CNTNAP3: variants seen among roughly 807,000 people sequenced by gnomAD.
CNTNAP3 encodes contactin associated protein family member 3, also known as contactin-associated protein-like 3.
A neutral mutation model predicts 92.1 loss-of-function variants in CNTNAP3; 36 were observed. That is an observed-to-expected ratio of 0.39 (90% confidence interval 0.30 to 0.52). The LOEUF (loss-of-function observed/expected upper bound fraction) is 0.52, where lower values mean the gene tolerates loss of function less well. Among genes scored for constraint, CNTNAP3 ranks in the 20% least tolerant of loss-of-function variants. The pLI is 0.76. For synonymous variants in CNTNAP3, 232 were observed against 422.3 expected, an observed-to-expected ratio of 0.55 and a Z score of 5.53; for missense variants, 534 against 1,069.6, an observed-to-expected ratio of 0.50 and a Z score of 6.98.
At chr9:39,098,374 CACTCTTTCCATTTCCATAAAATATAA>C (rs1451569628) in intron 18 of CNTNAP3, among the ~76,000 whole-genome samples, 9 of 151,616 alleles carry the variant, frequency 5.9e-5, no homozygotes, top group African/African-American at 2.2e-4. Flanking sequence ...AATACTACTC[CACTCTTTCCATTTCCATAAAATATAA>C]AGAATTTACT....
At chr9:39,102,400 G>C in intron 17 of CNTNAP3, 97 bp downstream of exon 17, 1 of 1,563,392 alleles carries the variant, frequency 6.4e-7, no homozygotes, top group Non-Finnish European at 8.7e-7. Flanking sequence ...AGTAGTTGTT[G>C]TTGGCAACTG....
At position 39,184,132 on chromosome 9, in the gene CNTNAP3, G is replaced by A. The variant is rs1482070336; in HGVS notation, c.539-5772C>T. 1.4e-5 allele frequency among the ~76,000 whole-genome samples: 2 copies of A among 143,386 alleles called. 1 individual carries two copies. The highest frequency in any genetic ancestry group is 5.6e-5 in the African/African-American group (2 of 35,416). 94.1% of individuals were successfully genotyped at this position (143,386 alleles called of 152,430 possible). ...TTCTTATTGCTTGGGGTATTCAACT[G>A]TTTGACAACTTGTTTATCCATTTAC... On this transcript the variant is annotated intron_variant, in intron 4 of 23. Coordinates refer to ENST00000297668, the MANE Select transcript of CNTNAP3 (RefSeq NM_033655.5).
rs1337866044 is a variant in CNTNAP3 at position 39,287,612 on chromosome 9, CCT to C, written c.85+366_85+367del. Reference sequence around the variant, plus strand: ...TGATGTAATGTCTGCCAGTTTTTTCCCTGTTAGACTTAATTCCTACAAAATAT... The same window carrying C: ...TGATGTAATGTCTGCCAGTTTTTTCCGTTAGACTTAATTCCTACAAAATAT... On this transcript the variant is annotated intron_variant, in intron 1 of 23. Coordinates refer to ENST00000297668, the MANE Select transcript of CNTNAP3 (RefSeq NM_033655.5). 1.3e-4 allele frequency among the ~76,000 whole-genome samples: 6 copies of C among 46,744 alleles called. 2 individuals are homozygous for C. The highest frequency in any genetic ancestry group is 2.9e-4 in the African/African-American group (6 of 20,906). The allele number at this position is 46,744 out of a possible 152,430, so 30.7% of individuals were successfully genotyped here.
In CNTNAP3 at chr9:39,149,913, T is replaced by C. The variant is rs546946971; in HGVS notation, c.1542A>G (p.Leu514=). 6.4e-5 allele frequency: 103 copies of C among 1,611,318 alleles called. No homozygotes were observed. In the South Asian group the frequency reaches 8.9e-4, roughly 14 times the overall value. The part of the protein sequence containing the change: ...KSPLGGFQGC[L]RLITIGDKAV... Reference sequence around the variant, plus strand: ...CTTTGTCACCAATGGTGATGAGCCTTAGGCAGCCCTGAAACCCTCCCAGGG... The same window carrying C: ...CTTTGTCACCAATGGTGATGAGCCTCAGGCAGCCCTGAAACCCTCCCAGGG... Residue 514 remains leucine, a synonymous_variant, in exon 10 of 24, where the codon CTA becomes CTG. Transcript: ENST00000297668.
chr9:39,077,597 ACTT>A (rs1825814598), intron 23 of CNTNAP3, among the ~76,000 whole-genome samples: 1 of 151,130 alleles, frequency 6.6e-6, no homozygotes, highest in Non-Finnish European at 1.5e-5. Context: ...CAAACAAAAA[ACTT>A]CTTAAATAAG....
At chr9:39,139,388 C>T (rs746736120) in intron 12 of CNTNAP3, among the ~76,000 whole-genome samples, 12 of 152,184 alleles carry the variant, frequency 7.9e-5, no homozygotes, top group African/African-American at 7.2e-5. Context: ...TATGGCAGAA[C>T]GCCTGTGTTT....
At chr9:39,107,535 A>T (rs1251757761) in intron 15 of CNTNAP3, among the ~76,000 whole-genome samples, 2 of 152,234 alleles carry the variant, frequency 1.3e-5, no homozygotes, top group Non-Finnish European at 2.9e-5. Context: ...GAGCTAAAAT[A>T]TGAGATAAAC....
intron 12 of CNTNAP3, among the ~76,000 whole-genome samples, chr9:39,134,083 G>A (rs1276920409): frequency 6.6e-6 from 1 of 152,106 alleles, no homozygotes; most frequent in Non-Finnish European, 1.5e-5. Flanking sequence ...ATTTCTAATG[G>A]CTTGGCTGCT....
intron 12 of CNTNAP3, among the ~76,000 whole-genome samples, chr9:39,138,748 CA>C (rs1463156687): frequency 3.3e-5 from 5 of 152,192 alleles, no homozygotes; most frequent in Admixed American, 1.3e-4. Context: ...AACAATTCGT[CA>C]ATTAAGTTTA....
chr9:39,079,916 G>T (rs1457673817), intron 21 of CNTNAP3, among the ~76,000 whole-genome samples: 1 of 107,674 alleles, frequency 9.3e-6, no homozygotes, highest in African/African-American at 4.1e-5. Context: ...CCCCACAACA[G>T]TTCTTCCCTA....
At chr9:39,179,272 A>ACTGT (rs1554652852) in intron 4 of CNTNAP3, among the ~76,000 whole-genome samples, 23 of 68,172 alleles carry the variant, frequency 3.4e-4, no homozygotes, top group African/African-American at 1.6e-3. Context: ...ATTCCTTAAA[A>ACTGT]CTCTCTCTCT....
At chr9:39,138,369 C>T (rs1218482639) in intron 12 of CNTNAP3, among the ~76,000 whole-genome samples, 4 of 152,156 alleles carry the variant, frequency 2.6e-5, no homozygotes, top group African/African-American at 7.2e-5. Context: ...TCAGCCCTCC[C>T]TCCCATCACC....
At chr9:39,139,493 C>T (rs1161433291) in intron 12 of CNTNAP3, among the ~76,000 whole-genome samples, 1 of 152,230 alleles carries the variant, frequency 6.6e-6, no homozygotes, top group African/African-American at 2.4e-5. Flanking sequence ...TGCTAAGGCA[C>T]TTTAAATGCC....
Position 39,068,819 on chromosome 9 carries a change from C to G in CNTNAP3, c.*5071G>C, listed in dbSNP as rs1199033574. On this transcript the variant is annotated 3_prime_UTR_variant, in exon 24 of 24. Transcript: ENST00000297668. ...GTTGTAAGCTGGGATACTCACAGCA[C>G]ACATCTTATGTTTCCTGTCTTTCAG... Among the ~76,000 whole-genome samples, 1 of 152,310 alleles carries G rather than the reference C, an allele frequency of 6.6e-6. No individual in the cohort carries two copies. Among genetic ancestry groups the G allele is most frequent in the African/African-American group, 2.4e-5 (1 of 41,488 alleles).
intron 13 of CNTNAP3, among the ~76,000 whole-genome samples, chr9:39,129,721 G>A (rs1821231041): frequency 6.6e-6 from 1 of 152,024 alleles, no homozygotes; most frequent in Admixed American, 6.6e-5. Flanking sequence ...AAAAATATTT[G>A]CAAATCACAT....
chr9:39,285,578 A>G (rs1823032424), intron 1 of CNTNAP3, among the ~76,000 whole-genome samples: 1 of 48,920 alleles, frequency 2.0e-5, no homozygotes, highest in African/African-American at 4.6e-5. Context: ...CTGGAGTGCT[A>G]TGGTGGGATC....
intron 14 of CNTNAP3, among the ~76,000 whole-genome samples, chr9:39,111,852 T>C (rs1826755521): frequency 1.3e-5 from 2 of 152,096 alleles, no homozygotes; most frequent in East Asian, 1.9e-4. Flanking sequence ...TAATAAAGTC[T>C]TGTTTTTTCA....
Position 39,247,654 on chromosome 9 carries a change from C to G in CNTNAP3, c.197-8468G>C, listed in dbSNP as rs1364841102. On this transcript the variant is annotated intron_variant, in intron 2 of 23. Coordinates refer to ENST00000297668, the MANE Select transcript of CNTNAP3 (RefSeq NM_033655.5). ...TTATGTTTATTTTATATATAAAGTG[C>G]CTTTTAAAATGTACTTATCAGGAAG... Among the ~76,000 whole-genome samples the G allele has an allele frequency of 4.1e-4, 2 of 4,864 alleles. 1 individual carries two copies. The highest frequency in any genetic ancestry group is 4.4e-4 in the African/African-American group (2 of 4,554). The allele number at this position is 4,864 out of a possible 152,430, so 3.2% of individuals were successfully genotyped here.
intron 18 of CNTNAP3, among the ~76,000 whole-genome samples, chr9:39,096,466 A>G (rs1826328263): frequency 1.3e-5 from 2 of 152,066 alleles, no homozygotes; most frequent in Non-Finnish European, 2.9e-5. Context: ...TAGAGGTAAT[A>G]TTTTGATACA....
Sources: gnomAD v4.1 joint callset for allele counts (sites outside exome capture counted in the v4.1 genomes callset) on GRCh38, gnomAD v4.1.1 for gene constraint, MANE v1.5 for transcripts, NCBI Gene and HGNC (gene_info 2026-07-23, HGNC 2026-07-21) for gene names.